Variants in NAA25 observed in about 807,000 individuals in gnomAD.
NAA25 encodes N-alpha-acetyltransferase 25, NatB auxiliary subunit.
A neutral mutation model predicts 132.5 loss-of-function variants in NAA25; 30 were observed. That is an observed-to-expected ratio of 0.23 (90% CI 0.17 to 0.31). NAA25 has a LOEUF of 0.31. Among genes scored for constraint, NAA25 ranks in the 10% least tolerant of loss-of-function variants. The pLI is 1.00. For missense variants in NAA25, 771 were observed against 1,150.4 expected (o/e 0.67, Z 4.77); for synonymous variants, 359 against 401.9 (o/e 0.89, Z 1.28).
intron 3 of NAA25, among the ~76,000 whole-genome samples, chr12:112,089,326 T>C (rs1183588100): frequency 2.0e-5 from 3 of 152,210 alleles, no homozygotes. Context: ...ATACCAAGTG[T>C]TGACAAGCAT....
intron 11 of NAA25, among the ~76,000 whole-genome samples, chr12:112,066,292 G>C (rs576265376): frequency 3.3e-4 from 51 of 152,292 alleles, no homozygotes; most frequent in African/African-American, 1.2e-3. Context: ...TGTAAGACAA[G>C]ATCAGTTATT....
intron 15 of NAA25, among the ~76,000 whole-genome samples, chr12:112,053,081 C>T (rs2078490593): frequency 6.6e-6 from 1 of 152,120 alleles, no homozygotes; most frequent in African/African-American, 2.4e-5. Flanking sequence ...TATTATTCAC[C>T]TAGGTTTCTC....
intron 5 of NAA25, among the ~76,000 whole-genome samples, chr12:112,080,526 G>C (rs1012386105): frequency 6.6e-6 from 1 of 151,792 alleles, no homozygotes; most frequent in Non-Finnish European, 1.5e-5. Flanking sequence ...TTTTGAGACA[G>C]AGTCTCGCTC....
At chr12:112,101,267 T>A (rs1198974496) in intron 1 of NAA25, among the ~76,000 whole-genome samples, 1 of 152,210 alleles carries the variant, frequency 6.6e-6, no homozygotes, top group African/African-American at 2.4e-5. Context: ...AATGGTGATG[T>A]GTACTGTCAT....
chr12:112,072,011 T>C lies in NAA25; in HGVS notation c.920A>G (p.Glu307Gly), dbSNP rs1157348989. Reference protein sequence around the residue: ...YSAEKAVKFIEDRITEESKSS... With the variant: ...YSAEKAVKFIGDRITEESKSS... Reference sequence around the variant, plus strand: ...TTTAGATTCTTCCGTTATCCGATCTTCTATAAACTTCACAGCTTTTTCTGC... The same window carrying C: ...TTTAGATTCTTCCGTTATCCGATCTCCTATAAACTTCACAGCTTTTTCTGC... Residue 307 changes from glutamate to glycine, a missense_variant, in exon 10 of 24, where the codon GAA becomes GGA. Coordinates refer to ENST00000261745, the MANE Select transcript of NAA25 (RefSeq NM_024953.4). 6.2e-7 allele frequency: 1 copy of C among 1,613,914 alleles called. No individual in the cohort carries two copies.
chr12:112,093,775 G>A (rs899247891), intron 1 of NAA25, among the ~76,000 whole-genome samples: 1 of 152,066 alleles, frequency 6.6e-6, no homozygotes, highest in African/African-American at 2.4e-5. Context: ...AGCTACTCAG[G>A]AGGCTGAGGT....
At chr12:112,070,595 A>C (rs776511998) in intron 10 of NAA25, among the ~76,000 whole-genome samples, 4 of 152,112 alleles carry the variant, frequency 2.6e-5, no homozygotes, top group Non-Finnish European at 2.9e-5. Flanking sequence ...GTTTTGCGAC[A>C]GAGTCTCGCT....
chr12:112,074,278 T>TCAC (rs2078861145), intron 9 of NAA25, among the ~76,000 whole-genome samples: 1 of 145,766 alleles, frequency 6.9e-6, no homozygotes, highest in Non-Finnish European at 1.5e-5. Context: ...GAGGCAGAGG[T>TCAC]TGCAGTGAGC....
At chr12:112,069,473 A>G (rs2078770606) in intron 10 of NAA25, among the ~76,000 whole-genome samples, 1 of 152,190 alleles carries the variant, frequency 6.6e-6, no homozygotes, top group Admixed American at 6.6e-5. Flanking sequence ...ACTGCACTCC[A>G]TCCTGAGCAA....
chr12:112,080,459 G>C (rs897414497), intron 5 of NAA25, among the ~76,000 whole-genome samples: 3 of 151,812 alleles, frequency 2.0e-5, no homozygotes, highest in Non-Finnish European at 4.4e-5. Context: ...ATTGCTTGAG[G>C]CCAGGAGTTC....
At chr12:112,071,828 A>ATTGTTG in intron 10 of NAA25, 67 bp downstream of exon 10, 2 of 1,106,774 alleles carry the variant, frequency 1.8e-6, no homozygotes, top group South Asian at 3.9e-5. Flanking sequence ...GTAGATCTCA[A>ATTGTTG]CTAATGAATA....
At chr12:112,108,673 T>G in intron 1 of NAA25, 43 bp downstream of exon 1, 11 of 1,434,094 alleles carry the variant, frequency 7.7e-6, no homozygotes, top group Non-Finnish European at 1.0e-5. Flanking sequence ...TCGGCAGCCC[T>G]CGGCGCGTCG....
rs1224826072 is a variant in NAA25 at position 112,049,978 on chromosome 12, G to A, written c.1729-1535C>T. 1.3e-5 allele frequency among the ~76,000 whole-genome samples: 2 copies of A among 151,464 alleles called. No homozygotes were observed. The highest frequency in any genetic ancestry group is 2.9e-5 in the Non-Finnish European group (2 of 67,982). ...TCCAAAGTATGCTATGATTTAAGGA[G>A]GGAACCCAGCCTTACCAAGTGTAGA... On this transcript the variant is annotated intron_variant, in intron 15 of 23. Coordinates refer to ENST00000261745, the MANE Select transcript of NAA25 (RefSeq NM_024953.4). The surrounding 1 kb of genome is among the most constrained non-coding windows in gnomAD (Gnocchi z 4.7).
chr12:112,099,532 G>A (rs1049632292), intron 1 of NAA25, among the ~76,000 whole-genome samples: 1 of 152,122 alleles, frequency 6.6e-6, no homozygotes, highest in Non-Finnish European at 1.5e-5. Flanking sequence ...AAAATAATGA[G>A]ATTAGGTAAA....
At chr12:112,040,211 C>A in intron 21 of NAA25, 1 of 281,814 alleles carries the variant, frequency 3.5e-6, no homozygotes, top group Non-Finnish European at 6.5e-6. Flanking sequence ...AGAATGAAAA[C>A]AGCTAGATTT....
At chr12:112,039,074 C>T (rs984673006) in intron 22 of NAA25, among the ~76,000 whole-genome samples, 155 bp downstream of exon 22, 7 of 152,150 alleles carry the variant, frequency 4.6e-5, no homozygotes, top group Middle Eastern at 3.4e-3. Context: ...AGAAAGTTTA[C>T]GGGTTTGCGA....
At chr12:112,059,739 A>G (rs527388722) in intron 13 of NAA25, among the ~76,000 whole-genome samples, 88 of 151,884 alleles carry the variant, frequency 5.8e-4, no homozygotes, top group Non-Finnish European at 1.2e-3. Context: ...TTATTCACAA[A>G]CACTTAAAAA....
intron 19 of NAA25, 53 bp downstream of exon 19, chr12:112,043,035 G>T: frequency 6.7e-7 from 1 of 1,487,194 alleles, no homozygotes; most frequent in Non-Finnish European, 9.0e-7. Context: ...ATTTTATTAC[G>T]TGTACTACAT....
chr12:112,101,747 A>T (rs942854481), intron 1 of NAA25, among the ~76,000 whole-genome samples: 1 of 152,014 alleles, frequency 6.6e-6, no homozygotes, highest in East Asian at 1.9e-4. Context: ...ACAGAGTGAG[A>T]CTGCATCTTA....
Sources: allele counts gnomAD v4.1 joint callset (sites outside exome capture counted in the v4.1 genomes callset), GRCh38; gene constraint gnomAD v4.1.1; non-coding constraint Gnocchi (gnomAD v3.1); transcripts MANE v1.5; gene names NCBI Gene and HGNC (gene_info 2026-07-23, HGNC 2026-07-21).